ARMH4: variants seen among roughly 807,000 people sequenced by gnomAD.
ARMH4 encodes the protein armadillo like helical domain containing 4.
Under a neutral mutation model 61.9 loss-of-function variants are expected in ARMH4, and 49 were observed. The observed-to-expected ratio is 0.79, with a 90% CI of 0.63 to 1.00. ARMH4 has a LOEUF of 1.00. Among genes scored for constraint, ARMH4 ranks in the 50% least tolerant of loss-of-function variants. The pLI is 0.00. For synonymous variants in ARMH4, 368 were observed against 341.5 expected, an observed-to-expected ratio of 1.08 and a Z score of -0.85; for missense variants, 934 against 930.0, an observed-to-expected ratio of 1.00 and a Z score of -0.06.
chr14:58,038,579 A>G lies in ARMH4; in HGVS notation c.2090-26429T>C, dbSNP rs181438016. Reference sequence around the variant, plus strand: ...AAAAAAAATTAAAAAAAAAAAAAGAAATACTTAAATTCCATTATCAAGTTA... The same window carrying G: ...AAAAAAAATTAAAAAAAAAAAAAGAGATACTTAAATTCCATTATCAAGTTA... On this transcript the variant is annotated intron_variant, in intron 5 of 7. Coordinates refer to ENST00000267485, the MANE Select transcript of ARMH4 (RefSeq NM_001001872.4). 4.9e-3 allele frequency among the ~76,000 whole-genome samples: 742 copies of G among 151,986 alleles called. 3 individuals carry two copies. Among genetic ancestry groups the G allele is most frequent in the African/African-American group, 0.017 (696 of 41,468 alleles).
intron 1 of ARMH4, among the ~76,000 whole-genome samples, chr14:58,149,405 A>G (rs1887851896): frequency 6.6e-6 from 1 of 152,238 alleles, no homozygotes; most frequent in African/African-American, 2.4e-5. Flanking sequence ...GGAGTAAGTA[A>G]CCACAAAGAA....
Position 58,106,222 on chromosome 14 carries a change from A to T in ARMH4, c.1832-9241T>A, listed in dbSNP as rs1029166549. Reference sequence around the variant, plus strand: ...TGGAGCTAATGGATTTTTCCATAGCATCCTTACCGAGATCAAGTCACTCGG... The same window carrying T: ...TGGAGCTAATGGATTTTTCCATAGCTTCCTTACCGAGATCAAGTCACTCGG... On this transcript the variant is annotated intron_variant, in intron 4 of 7. Coordinates refer to ENST00000267485, the MANE Select transcript of ARMH4 (RefSeq NM_001001872.4). Among the ~76,000 whole-genome samples, 4 of 152,216 alleles carry T rather than the reference A, an allele frequency of 2.6e-5. No homozygotes were observed. The South Asian group carries it at 8.3e-4, about 32-fold the overall frequency.
intron 4 of ARMH4, among the ~76,000 whole-genome samples, chr14:58,113,130 C>T (rs1164258839): frequency 2.6e-5 from 4 of 152,094 alleles, no homozygotes; most frequent in African/African-American, 9.7e-5. Flanking sequence ...CCCTTCATAC[C>T]ACCATCATTA....
intron 5 of ARMH4, among the ~76,000 whole-genome samples, chr14:58,086,001 A>G (rs1566573283): frequency 6.6e-6 from 1 of 152,240 alleles, no homozygotes; most frequent in Non-Finnish European, 1.5e-5. Flanking sequence ...GAAGCAATGA[A>G]CCAGTGGCAG....
At chr14:58,035,179 C>T (rs1266150800) in intron 5 of ARMH4, among the ~76,000 whole-genome samples, 4 of 135,038 alleles carry the variant, frequency 3.0e-5, no homozygotes, top group African/African-American at 1.1e-4. Flanking sequence ...TGTAAAAGAA[C>T]AGAAATTATA....
Position 58,096,935 on chromosome 14 carries a change from T to C in ARMH4, c.1878A>G (p.Glu626=), listed in dbSNP as rs1418653304. 4.3e-6 allele frequency: 7 copies of C among 1,613,094 alleles called. No homozygotes were observed. The South Asian group carries it at 7.7e-5, about 18-fold the overall frequency. ...CATCTTCTTCCTCATCTTCCTCTTC[T>C]TCATCTTCATCTTCTTCATCCTCTT... ...EDEEDEEDED[E]EEEDEEEDEE... Residue 626 remains glutamate (E), a synonymous_variant, in exon 5 of 8, where the codon GAA becomes GAG. Transcript: ENST00000267485.
chr14:58,099,033 A>T (rs1350984224), intron 4 of ARMH4, among the ~76,000 whole-genome samples: 1 of 152,188 alleles, frequency 6.6e-6, no homozygotes, highest in Non-Finnish European at 1.5e-5. Flanking sequence ...AACCCTGCTG[A>T]TAAGTACAAT....
At position 58,005,164 on chromosome 14, in the gene ARMH4, T is replaced by A. The variant is rs769947221; in HGVS notation, c.2140A>T (p.Met714Leu). Residue 714 changes from methionine to leucine, a missense_variant, in exon 7 of 8, where the codon ATG becomes TTG. Physicochemically the swap from Met to Leu is conservative, Grantham distance 15 (BLOSUM62 2). Transcript: ENST00000267485. ...LKDKAGYMSG[M>L]LVPVGVGIAG... ...ATCCCAACCCCTACAGGCACCAGCATCCCAGACATGTAACCAGCCTGCATA... is the reference window on the plus strand; with the variant it reads ...ATCCCAACCCCTACAGGCACCAGCAACCCAGACATGTAACCAGCCTGCATA... The A allele has an allele frequency of 1.2e-6, 2 of 1,613,900 alleles. No homozygotes were observed. Among genetic ancestry groups the A allele is most frequent in the African/African-American group, 1.3e-5 (1 of 75,004 alleles).
At position 58,081,044 on chromosome 14, in the gene ARMH4, G is replaced by A. The variant is rs563537947; in HGVS notation, c.2089+15680C>T. Among the ~76,000 whole-genome samples, 17 of 152,196 alleles carry A rather than the reference G, an allele frequency of 1.1e-4. No individual in the cohort carries two copies. The South Asian group carries it at 3.3e-3, about 30-fold the overall frequency. ...TTGAACCTGAGAGGCAGAGGTGGCA[G>A]TGAGCCAAGATTGTGCCACTGTACT... On this transcript the variant is annotated intron_variant, in intron 5 of 7. Transcript: ENST00000267485.
intron 6 of ARMH4, among the ~76,000 whole-genome samples, chr14:58,008,129 A>G (rs1285848408): frequency 6.6e-6 from 1 of 152,230 alleles, no homozygotes; most frequent in African/African-American, 2.4e-5. Flanking sequence ...GATATTGAAT[A>G]TACTCCAGCT....
chr14:58,011,401 A>G (rs79724537), intron 6 of ARMH4, among the ~76,000 whole-genome samples: 293 of 152,272 alleles, frequency 1.9e-3, no homozygotes, highest in African/African-American at 6.8e-3. Flanking sequence ...AGGCAACTCA[A>G]TATCTGACCA....
intron 4 of ARMH4, chr14:58,116,312 C>T (rs1310817661): frequency 8.8e-6 from 2 of 227,094 alleles, no homozygotes; most frequent in African/African-American, 4.5e-5. Context: ...AGGCTTGAGA[C>T]AAGATAGTCC....
chr14:58,109,353 C>G (rs1474803263), intron 4 of ARMH4, among the ~76,000 whole-genome samples: 1 of 152,134 alleles, frequency 6.6e-6, no homozygotes, highest in African/African-American at 2.4e-5. Flanking sequence ...ATATGGACAA[C>G]CAATTGTCCC....
intron 5 of ARMH4, among the ~76,000 whole-genome samples, chr14:58,065,962 T>C (rs926271464): frequency 1.1e-4 from 16 of 152,184 alleles, no homozygotes; most frequent in South Asian, 2.1e-4. Flanking sequence ...CCAACAACCA[T>C]GTGAGCTTGG....
intron 5 of ARMH4, among the ~76,000 whole-genome samples, chr14:58,071,449 C>A (rs1314630663): frequency 6.6e-6 from 1 of 152,114 alleles, no homozygotes; most frequent in African/African-American, 2.4e-5. Context: ...TCTTCATTAT[C>A]TTCTTAAAAT....
intron 4 of ARMH4, among the ~76,000 whole-genome samples, chr14:58,107,710 G>A (rs1352307207): frequency 6.8e-6 from 1 of 147,132 alleles, no homozygotes; most frequent in East Asian, 2.0e-4. Flanking sequence ...GTTGCAGTGA[G>A]CTGAGATTAC....
chr14:58,151,487 G>A (rs917757698), intron 1 of ARMH4, among the ~76,000 whole-genome samples: 1 of 152,084 alleles, frequency 6.6e-6, no homozygotes, highest in African/African-American at 2.4e-5. Flanking sequence ...CGTCCTGGGG[G>A]ACGAGTCAGG....
chr14:58,027,842 T>A (rs1184440788), intron 5 of ARMH4, among the ~76,000 whole-genome samples: 1 of 152,232 alleles, frequency 6.6e-6, no homozygotes, highest in Non-Finnish European at 1.5e-5. Flanking sequence ...ATTAAATATG[T>A]ACAGCTTCTT....
At chr14:58,042,902 T>A (rs914459286) in intron 5 of ARMH4, among the ~76,000 whole-genome samples, 1 of 152,166 alleles carries the variant, frequency 6.6e-6, no homozygotes, top group African/African-American at 2.4e-5. Flanking sequence ...CAGGAAGAAC[T>A]TGAATCTCTG....
Sources: allele counts gnomAD v4.1 joint callset (sites outside exome capture counted in the v4.1 genomes callset), GRCh38; gene constraint gnomAD v4.1.1; transcripts MANE v1.5; gene names NCBI Gene and HGNC (gene_info 2026-07-23, HGNC 2026-07-21).